PDZRN4: variants seen among roughly 807,000 people sequenced by gnomAD.
The protein encoded by PDZRN4 is PDZ domain containing ring finger 4.
A neutral mutation model predicts 99.0 loss-of-function variants in PDZRN4; 70 were observed. That is an observed-to-expected ratio of 0.71 (90% CI 0.58 to 0.86). The LOEUF is 0.86. PDZRN4 is among the 40% of genes least tolerant of loss of function. The pLI, the probability that PDZRN4 is intolerant of heterozygous loss-of-function variation, is 0.00. For missense variants in PDZRN4, 1,474 were observed against 1,331.2 expected (o/e 1.11, Z -1.67); for synonymous variants, 551 against 501.6 (o/e 1.10, Z -1.32).
intron 3 of PDZRN4, among the ~76,000 whole-genome samples, chr12:41,324,789 G>A (rs998336037): frequency 1.3e-5 from 2 of 152,016 alleles, no homozygotes; most frequent in African/African-American, 4.8e-5. Context: ...AGATTTCAAA[G>A]AGTTGGTATA....
chr12:41,214,300 A>T (rs1950906569), intron 3 of PDZRN4, among the ~76,000 whole-genome samples: 2 of 148,496 alleles, frequency 1.3e-5, no homozygotes, highest in South Asian at 4.3e-4. Flanking sequence ...ATGGTGGTAC[A>T]TGCCTGTAGT....
At chr12:41,382,424 C>T (rs537976548) in intron 3 of PDZRN4, among the ~76,000 whole-genome samples, 16 of 152,302 alleles carry the variant, frequency 1.1e-4, no homozygotes, top group Admixed American at 9.8e-4. Context: ...TGAAGTTCAT[C>T]AAGCTTTTCT....
Position 41,434,354 on chromosome 12 carries a change from C to T in PDZRN4, c.844-72102C>T, listed in dbSNP as rs191072561. On this transcript the variant is annotated intron_variant, in intron 3 of 9. Coordinates refer to ENST00000402685, the MANE Select transcript of PDZRN4 (RefSeq NM_001164595.2). ...TAAGGGCCGTGTAATTTTTCTGTCT[C>T]AGGTGGCACATATTGTACACTTATC... 1.7e-3 allele frequency among the ~76,000 whole-genome samples: 263 copies of T among 152,166 alleles called. 2 individuals carry two copies. Among genetic ancestry groups the T allele is most frequent in the African/African-American group, 6.0e-3 (250 of 41,518 alleles).
intron 3 of PDZRN4, among the ~76,000 whole-genome samples, chr12:41,360,578 A>G (rs1275596704): frequency 6.6e-6 from 1 of 152,066 alleles, no homozygotes; most frequent in East Asian, 1.9e-4. Flanking sequence ...AACCTATGCT[A>G]TAGAAATTAT....
chr12:41,553,989 A>G (rs1334435527), intron 6 of PDZRN4, among the ~76,000 whole-genome samples: 2 of 152,186 alleles, frequency 1.3e-5, no homozygotes, highest in Non-Finnish European at 2.9e-5. Context: ...TAATTAATGC[A>G]TTTAGAAAAC....
chr12:41,212,994 C>G (rs1320980216), intron 3 of PDZRN4, among the ~76,000 whole-genome samples: 1 of 151,976 alleles, frequency 6.6e-6, no homozygotes, highest in Non-Finnish European at 1.5e-5. Context: ...TGGAACATCT[C>G]TTAAACAGGT....
intron 3 of PDZRN4, among the ~76,000 whole-genome samples, chr12:41,341,152 C>G (rs1271308044): frequency 8.3e-6 from 1 of 120,854 alleles, no homozygotes; most frequent in African/African-American, 2.9e-5. Context: ...CAACGTTCAA[C>G]ATCCTTTCAT....
chr12:41,534,922 C>A (rs115564512), intron 5 of PDZRN4, among the ~76,000 whole-genome samples: 3,058 of 151,780 alleles, frequency 0.02, 89 homozygotes, highest in African/African-American at 0.066. Context: ...GTTTTTATTT[C>A]TTTGTGTCTT....
At chr12:41,365,805 G>T (rs1039091133) in intron 3 of PDZRN4, among the ~76,000 whole-genome samples, 2 of 152,048 alleles carry the variant, frequency 1.3e-5, no homozygotes, top group African/African-American at 2.4e-5. Context: ...AGCAAACAAG[G>T]TTTCAGAGGA....
intron 6 of PDZRN4, 73 bp downstream of exon 6, chr12:41,552,827 A>G (rs1939082356): frequency 1.7e-6 from 2 of 1,176,772 alleles, no homozygotes; most frequent in Non-Finnish European, 2.5e-6. Context: ...TCACAATGAG[A>G]AAACCCTTCC....
chr12:41,244,772 C>T (rs1951123579), intron 3 of PDZRN4, among the ~76,000 whole-genome samples: 1 of 148,470 alleles, frequency 6.7e-6, no homozygotes, highest in South Asian at 2.1e-4. Flanking sequence ...GCAAGCTCTG[C>T]TTCCCGGGTT....
chr12:41,490,404 G>A (rs1462118446), intron 3 of PDZRN4, among the ~76,000 whole-genome samples: 1 of 152,086 alleles, frequency 6.6e-6, no homozygotes, highest in African/African-American at 2.4e-5. Flanking sequence ...AAATTTGCAA[G>A]CATGCTTTCT....
At chr12:41,369,289 C>A (rs1371332061) in intron 3 of PDZRN4, among the ~76,000 whole-genome samples, 1 of 152,060 alleles carries the variant, frequency 6.6e-6, no homozygotes, top group Non-Finnish European at 1.5e-5. Context: ...TAAAATCTTA[C>A]AGTACAATTG....
At chr12:41,311,929 G>GA (rs1291692999) in intron 3 of PDZRN4, among the ~76,000 whole-genome samples, 4 of 152,024 alleles carry the variant, frequency 2.6e-5, no homozygotes, top group Non-Finnish European at 5.9e-5. Context: ...TATCTGACTT[G>GA]AAAAAAACTT....
At chr12:41,382,103 C>T (rs1354459927) in intron 3 of PDZRN4, among the ~76,000 whole-genome samples, 1 of 152,158 alleles carries the variant, frequency 6.6e-6, no homozygotes, top group Non-Finnish European at 1.5e-5. Flanking sequence ...AGTCTATACT[C>T]CCTGCCCATG....
At chr12:41,476,706 A>G (rs1953045916) in intron 3 of PDZRN4, among the ~76,000 whole-genome samples, 1 of 152,176 alleles carries the variant, frequency 6.6e-6, no homozygotes, top group African/African-American at 2.4e-5. Flanking sequence ...CAGCTCTGAT[A>G]GTGAAAGGAA....
intron 7 of PDZRN4, among the ~76,000 whole-genome samples, chr12:41,560,798 G>A (rs1939257333): frequency 6.6e-6 from 1 of 152,260 alleles, no homozygotes; most frequent in Non-Finnish European, 1.5e-5. Flanking sequence ...TTCATTCCTT[G>A]AGAGGTATCT....
At chr12:41,429,662 C>T (rs1952569130) in intron 3 of PDZRN4, among the ~76,000 whole-genome samples, 3 of 151,956 alleles carry the variant, frequency 2.0e-5, no homozygotes, top group African/African-American at 7.3e-5. Flanking sequence ...CTCATGTGAC[C>T]TATTTACTTC....
intron 3 of PDZRN4, among the ~76,000 whole-genome samples, chr12:41,403,501 T>C (rs1395337749): frequency 6.6e-6 from 1 of 152,176 alleles, no homozygotes; most frequent in Admixed American, 6.6e-5. Context: ...AAATCACATA[T>C]GCCCCTCACT....
Sources: gnomAD v4.1 joint callset for allele counts (sites outside exome capture counted in the v4.1 genomes callset) on GRCh38, gnomAD v4.1.1 for gene constraint, MANE v1.5 for transcripts, NCBI Gene and HGNC (gene_info 2026-07-23, HGNC 2026-07-21) for gene names.